Variants in NRXN1 observed in about 807,000 individuals in gnomAD.
NRXN1 encodes the protein neurexin 1.
A neutral mutation model predicts 150.9 loss-of-function variants in NRXN1; 39 were observed. The observed-to-expected ratio is 0.26, with a 90% CI of 0.20 to 0.34. The LOEUF (loss-of-function observed/expected upper bound fraction) is 0.34. Among genes scored for constraint, NRXN1 ranks in the 10% least tolerant of loss-of-function variants. The pLI, the probability that NRXN1 is intolerant of heterozygous loss-of-function variation, is 1.00. For synonymous variants in NRXN1, 924 were observed against 757.0 expected (o/e 1.22, Z -3.62); for missense variants, 1,815 against 1,949.9 (o/e 0.93, Z 1.30).
chr2:50,138,758 T>G (rs959772562), intron 18 of NRXN1, among the ~76,000 whole-genome samples: 4 of 152,246 alleles, frequency 2.6e-5, no homozygotes, highest in Non-Finnish European at 5.9e-5. Flanking sequence ...TGAAGCCATC[T>G]TATGTTATTG....
At chr2:50,465,339 C>T (rs764062473) in intron 17 of NRXN1, 103 bp downstream of exon 17, 13 of 1,173,792 alleles carry the variant, frequency 1.1e-5, no homozygotes, top group Non-Finnish European at 1.5e-5. Context: ...GACAGTTCGA[C>T]TGACTCAGAG....
chr2:50,616,879 G>A (rs1679145440), intron 8 of NRXN1, among the ~76,000 whole-genome samples: 1 of 152,178 alleles, frequency 6.6e-6, no homozygotes, highest in African/African-American at 2.4e-5. Context: ...GTTTACACAT[G>A]CAGTGTGCTA....
intron 5 of NRXN1, among the ~76,000 whole-genome samples, chr2:50,697,032 G>C (rs1178350133): frequency 6.6e-6 from 1 of 152,050 alleles, no homozygotes; most frequent in Non-Finnish European, 1.5e-5. Context: ...AAACAAAGCT[G>C]GGTCATACAC....
intron 2 of NRXN1, among the ~76,000 whole-genome samples, chr2:51,016,976 C>G (rs570704421): frequency 6.6e-6 from 1 of 152,110 alleles, no homozygotes; most frequent in South Asian, 2.1e-4. Flanking sequence ...AAGCTGGAAA[C>G]CATTGTTCTC....
chr2:50,786,432 G>A (rs1317976328), intron 5 of NRXN1, among the ~76,000 whole-genome samples: 15 of 152,134 alleles, frequency 9.9e-5, no homozygotes. Context: ...ACCACTGCGT[G>A]CACTTTTTTT....
At chr2:50,977,719 A>T (rs911217838) in intron 2 of NRXN1, among the ~76,000 whole-genome samples, 1 of 151,836 alleles carries the variant, frequency 6.6e-6, no homozygotes, top group African/African-American at 2.4e-5. Context: ...CAATCCTCTT[A>T]TCTTTCTAAA....
At chr2:50,150,603 G>A (rs1439613842) in intron 18 of NRXN1, among the ~76,000 whole-genome samples, 1 of 151,752 alleles carries the variant, frequency 6.6e-6, no homozygotes, top group Non-Finnish European at 1.5e-5. Context: ...CTGAACTGCA[G>A]AAAGATAACA....
chr2:50,237,897 T>C lies in NRXN1; in HGVS notation c.3365-927A>G, dbSNP rs368794544. ...TGGGATCATGGAGTGGCTTTGCCCA[T>C]GCTGTTCTCATGATAGTGAGTTCTA... On this transcript the variant is annotated intron_variant, in intron 17 of 22. Transcript: ENST00000401669. Among the ~76,000 whole-genome samples, 159 of 152,080 alleles carry C rather than the reference T, an allele frequency of 1.0e-3. 2 individuals are homozygous for C. In the South Asian group the frequency reaches 0.031, roughly 30 times the overall value.
At chr2:50,249,858 A>C (rs1015384883) in intron 17 of NRXN1, among the ~76,000 whole-genome samples, 54 of 151,908 alleles carry the variant, frequency 3.6e-4, no homozygotes, top group African/African-American at 1.3e-3. Flanking sequence ...GGCTTGTCTC[A>C]AACTCCTGAC....
chr2:50,690,179 A>T (rs527568673), intron 5 of NRXN1, among the ~76,000 whole-genome samples: 1 of 152,308 alleles, frequency 6.6e-6, no homozygotes, highest in South Asian at 2.1e-4. Flanking sequence ...GAATGCCGTG[A>T]TGTCAACATT....
chr2:50,630,751 A>T (rs898660694), intron 5 of NRXN1, among the ~76,000 whole-genome samples: 2 of 151,806 alleles, frequency 1.3e-5, no homozygotes, highest in Admixed American at 1.3e-4. Flanking sequence ...CAGAAACTAA[A>T]ATCAATATAT....
intron 5 of NRXN1, among the ~76,000 whole-genome samples, chr2:50,828,184 G>A (rs1212796121): frequency 2.0e-5 from 3 of 151,192 alleles, no homozygotes; most frequent in Admixed American, 6.6e-5. Flanking sequence ...AGGGGCGGCC[G>A]GGCAGAGGCA....
At chr2:50,856,625 T>C (rs2106004975) in intron 5 of NRXN1, among the ~76,000 whole-genome samples, 1 of 152,224 alleles carries the variant, frequency 6.6e-6, no homozygotes, top group African/African-American at 2.4e-5. Context: ...CCCTAAATTT[T>C]ATATCATCAC....
intron 5 of NRXN1, among the ~76,000 whole-genome samples, chr2:50,867,747 C>G (rs1483007815): frequency 1.3e-5 from 2 of 151,638 alleles, no homozygotes; most frequent in Admixed American, 1.3e-4. Flanking sequence ...TTAAATCTAA[C>G]TAACCATTCC....
chr2:51,004,083 C>G (rs1430583825), intron 2 of NRXN1, among the ~76,000 whole-genome samples: 1 of 149,714 alleles, frequency 6.7e-6, no homozygotes, highest in Admixed American at 6.7e-5. Context: ...AAAAAAAAAA[C>G]TTAGAAGACA....
chr2:50,731,204 T>C (rs1698058621), intron 5 of NRXN1, among the ~76,000 whole-genome samples: 1 of 152,002 alleles, frequency 6.6e-6, no homozygotes, highest in Non-Finnish European at 1.5e-5. Context: ...TCTTCTTCTA[T>C]AAAAACAAAC....
intron 5 of NRXN1, among the ~76,000 whole-genome samples, chr2:50,853,648 C>T (rs1674840777): frequency 6.6e-6 from 1 of 152,036 alleles, no homozygotes; most frequent in Non-Finnish European, 1.5e-5. Flanking sequence ...GAAGAAATCC[C>T]TTTTATATCT....
chr2:50,878,410 C>G (rs1559383971), intron 5 of NRXN1, among the ~76,000 whole-genome samples: 1 of 151,324 alleles, frequency 6.6e-6, no homozygotes, highest in Non-Finnish European at 1.5e-5. Flanking sequence ...AATTGCTGAG[C>G]CTGACACCAG....
intron 17 of NRXN1, among the ~76,000 whole-genome samples, chr2:50,302,972 C>T (rs531983491): frequency 5.9e-5 from 9 of 152,026 alleles, no homozygotes; most frequent in Admixed American, 1.3e-4. Context: ...CATCCATCAA[C>T]GCATACATAG....
Sources: gnomAD v4.1 joint callset for allele counts (sites outside exome capture counted in the v4.1 genomes callset) on GRCh38, gnomAD v4.1.1 for gene constraint, MANE v1.5 for transcripts, NCBI Gene and HGNC (gene_info 2026-07-23, HGNC 2026-07-21) for gene names.